SGCG: variants seen among roughly 807,000 people sequenced by gnomAD.
SGCG encodes the protein gamma-sarcoglycan.
SGCG carries 26 observed loss-of-function variants against 29.3 expected under a neutral mutation model. The observed-to-expected ratio is 0.89, with a 90% confidence interval of 0.65 to 1.23. The LOEUF (loss-of-function observed/expected upper bound fraction) is 1.23. Among genes scored for constraint, SGCG ranks in the 50% most tolerant of loss-of-function variants. The probability of loss-of-function intolerance (pLI) is 0.00; values close to 1 mark genes in which losing one functional copy is unlikely to be tolerated. For missense variants in SGCG, 353 were observed against 356.0 expected, an observed-to-expected ratio of 0.99 and a Z score of 0.07; for synonymous variants, 145 against 129.7, an observed-to-expected ratio of 1.12 and a Z score of -0.80.
At chr13:23,241,474 T>C (rs1192858086) in intron 3 of SGCG, among the ~76,000 whole-genome samples, 2 of 152,076 alleles carry the variant, frequency 1.3e-5, no homozygotes, top group Non-Finnish European at 2.9e-5. Context: ...GAATTAGTAA[T>C]AAAAAGTCTC....
rs71185059 is a variant in SGCG at position 23,225,780 on chromosome 13, T to TACAAACACACACAC, written c.196-8828_196-8827insAACACACACACACA. 3.4e-3 allele frequency among the ~76,000 whole-genome samples: 501 copies of TACAAACACACACAC among 148,664 alleles called. 1 individual carries two copies. The highest frequency in any genetic ancestry group is 0.012 in the African/African-American group (479 of 40,032). ...CCAGGCCCTCTGAGAGGACATGTCA[T>TACAAACACACACAC]ACACACACACACACACACACACACA... is the stretch of plus-strand genomic sequence containing the variant. On this transcript the variant is annotated intron_variant, in intron 2 of 7. Transcript: ENST00000218867.
At chr13:23,320,597 C>CTTTTTTTTT in intron 6 of SGCG, 40 bp from the exon 7 acceptor site, 7 of 1,321,590 alleles carry the variant, frequency 5.3e-6, no homozygotes, top group Admixed American at 4.5e-5. Flanking sequence ...ATTTTTAATA[C>CTTTTTTTTT]TTTTTTTTTT....
chr13:23,250,807 A>G, intron 4 of SGCG, 90 bp downstream of exon 4: 1 of 810,372 alleles, frequency 1.2e-6, no homozygotes, highest in Non-Finnish European at 2.2e-6. Context: ...AAAGAAATCA[A>G]AGCTACTTAT....
chr13:23,316,379 A>C (rs1301734994), intron 6 of SGCG, among the ~76,000 whole-genome samples: 1 of 152,080 alleles, frequency 6.6e-6, no homozygotes, highest in African/African-American at 2.4e-5. Context: ...TGATCAAGGC[A>C]CTCCCTTTAT....
At chr13:23,266,378 T>C (rs1221660910) in intron 4 of SGCG, among the ~76,000 whole-genome samples, 1 of 152,150 alleles carries the variant, frequency 6.6e-6, no homozygotes, top group East Asian at 1.9e-4. Context: ...AAGAGTGATA[T>C]AATGTCTTTT....
the SGCG span, among the ~76,000 whole-genome samples, chr13:23,165,483 A>G: frequency 6.6e-6 from 1 of 152,104 alleles, no homozygotes; most frequent in Non-Finnish European, 1.5e-5. Flanking sequence ...TGCAAAAGTT[A>G]AGAGATTCCC....
intron 1 of SGCG, among the ~76,000 whole-genome samples, chr13:23,195,104 C>A (rs1877435289): frequency 6.6e-6 from 1 of 152,152 alleles, no homozygotes; most frequent in Non-Finnish European, 1.5e-5. Flanking sequence ...AATTTGGTAC[C>A]AAATAACAAC....
chr13:23,209,603 G>A (rs539183966), intron 2 of SGCG, among the ~76,000 whole-genome samples: 1 of 152,298 alleles, frequency 6.6e-6, no homozygotes, highest in Admixed American at 6.5e-5. Context: ...TGGTCATGGA[G>A]GGTTATTAAA....
At chr13:23,236,377 T>A (rs1054271205) in intron 3 of SGCG, among the ~76,000 whole-genome samples, 1 of 152,138 alleles carries the variant, frequency 6.6e-6, no homozygotes, top group Non-Finnish European at 1.5e-5. Context: ...TATTCTGGAA[T>A]TAATAATAAC....
the SGCG span, among the ~76,000 whole-genome samples, chr13:23,164,601 G>A: frequency 6.6e-6 from 1 of 152,124 alleles, no homozygotes; most frequent in African/African-American, 2.4e-5. Context: ...TTCTCGTGAG[G>A]GCTCAGAAAG....
chr13:23,225,988 C>T (rs61268753), intron 2 of SGCG, among the ~76,000 whole-genome samples: 17,350 of 152,134 alleles, frequency 0.11, 1,093 homozygotes, highest in Middle Eastern at 0.15. Context: ...CATTCATTTA[C>T]TTATTCAGTC....
intron 1 of SGCG, among the ~76,000 whole-genome samples, chr13:23,185,493 G>A (rs1315499445): frequency 1.3e-5 from 2 of 152,130 alleles, no homozygotes; most frequent in South Asian, 2.1e-4. Context: ...TCCGGTCCCC[G>A]ATCACTTTTA....
chr13:23,236,491 C>A (rs1879317420), intron 3 of SGCG, among the ~76,000 whole-genome samples: 1 of 152,090 alleles, frequency 6.6e-6, no homozygotes, highest in African/African-American at 2.4e-5. Flanking sequence ...TCCTGGCTAA[C>A]ACAGTGAAAC....
At chr13:23,312,906 CTT>C (rs1222830904) in intron 6 of SGCG, among the ~76,000 whole-genome samples, 2 of 152,000 alleles carry the variant, frequency 1.3e-5, no homozygotes, top group African/African-American at 2.4e-5. Context: ...TCAGTTTAGT[CTT>C]AGTGCTGAGT....
chr13:23,168,796 C>A, the SGCG span, among the ~76,000 whole-genome samples: 2 of 152,078 alleles, frequency 1.3e-5, no homozygotes, highest in Non-Finnish European at 2.9e-5. Flanking sequence ...TGATAGGCAT[C>A]TGCTATTAAT....
At chr13:23,310,313 C>T (rs1319234421) in intron 6 of SGCG, among the ~76,000 whole-genome samples, 1 of 151,998 alleles carries the variant, frequency 6.6e-6, no homozygotes, top group African/African-American at 2.4e-5. Context: ...GTCTCGATCT[C>T]CTGACCTCAT....
At chr13:23,212,392 A>ATTTTTATTCATATACCTTTTT (rs74387559) in intron 2 of SGCG, among the ~76,000 whole-genome samples, 2 of 151,634 alleles carry the variant, frequency 1.3e-5, no homozygotes, top group African/African-American at 2.4e-5. Context: ...GCACACCACA[A>ATTTTTATTCATATACCTTTTT]TTTTCTGGTT....
At chr13:23,291,155 T>C (rs1881692808) in intron 5 of SGCG, among the ~76,000 whole-genome samples, 1 of 152,200 alleles carries the variant, frequency 6.6e-6, no homozygotes, top group African/African-American at 2.4e-5. Flanking sequence ...ATTCTAAAAA[T>C]AAAAAAGTTA....
intron 2 of SGCG, among the ~76,000 whole-genome samples, chr13:23,211,351 G>A (rs1198067976): frequency 6.6e-6 from 1 of 152,136 alleles, no homozygotes; most frequent in Non-Finnish European, 1.5e-5. Context: ...AGGGCAGAGT[G>A]TTTCTCTCAG....
Sources: allele counts gnomAD v4.1 joint callset (sites outside exome capture counted in the v4.1 genomes callset), GRCh38; gene constraint gnomAD v4.1.1; transcripts MANE v1.5; gene names NCBI Gene and HGNC (gene_info 2026-07-23, HGNC 2026-07-21).